Variants in ATP6V1C1 observed in about 807,000 individuals in gnomAD.
ATP6V1C1 encodes V-type proton ATPase subunit C 1.
ATP6V1C1 carries 45 observed loss-of-function variants against 53.9 expected under a neutral mutation model. The observed-to-expected ratio is 0.83, with a 90% CI of 0.66 to 1.07. ATP6V1C1 has a LOEUF of 1.07. ATP6V1C1 is among the 50% of genes least tolerant of loss of function. ATP6V1C1 has a pLI of 0.00. For synonymous variants in ATP6V1C1, 153 were observed against 155.2 expected, an observed-to-expected ratio of 0.99 and a Z score of 0.11; for missense variants, 315 against 440.3, an observed-to-expected ratio of 0.72 and a Z score of 2.55.
intron 3 of ATP6V1C1, among the ~76,000 whole-genome samples, chr8:103,047,430 G>GCGCACACACACACACACA (rs1491170438): frequency 1.1e-4 from 12 of 104,950 alleles, no homozygotes; most frequent in African/African-American, 3.5e-4. Flanking sequence ...AAATGCGCGC[G>GCGCACACACACACACACA]CACACACACA....
Position 103,053,911 on chromosome 8 carries a change from A to G in ATP6V1C1, c.501A>G (p.Ala167=). ...NAGSLLTRSL[A]EIVKKDDFVL... ...GAAGTTTGCTAACTAGAAGTCTAGCAGAAATTGTGAAGAAGGATGACTTTG... is the reference window on the plus strand; with the variant it reads ...GAAGTTTGCTAACTAGAAGTCTAGCGGAAATTGTGAAGAAGGATGACTTTG... Residue 167 remains alanine, a synonymous_variant, in exon 7 of 13, where the codon GCA becomes GCG. Transcript: ENST00000518738. 3 of 1,611,868 alleles carry G rather than the reference A, an allele frequency of 1.9e-6. No individual in the cohort carries two copies. Among genetic ancestry groups the G allele is most frequent in the Non-Finnish European group, 2.5e-6 (3 of 1,178,658 alleles).
intron 8 of ATP6V1C1, 68 bp downstream of exon 8, chr8:103,056,004 G>A: frequency 2.0e-6 from 3 of 1,463,826 alleles, no homozygotes; most frequent in South Asian, 1.2e-5. Context: ...TGTTGGCTTA[G>A]GAAATATGTT....
chr8:103,051,332 A>T (rs1817196075), intron 5 of ATP6V1C1, among the ~76,000 whole-genome samples, 188 bp downstream of exon 5: 1 of 152,034 alleles, frequency 6.6e-6, no homozygotes, highest in African/African-American at 2.4e-5. Flanking sequence ...AGATTATCTA[A>T]GTTGAATACT....
At chr8:103,062,057 G>A (rs950578762) in intron 8 of ATP6V1C1, among the ~76,000 whole-genome samples, 8 of 151,648 alleles carry the variant, frequency 5.3e-5, no homozygotes, top group Middle Eastern at 3.2e-3. Context: ...GTGACTGAAT[G>A]GAAGTTCTGA....
At chr8:103,045,737 C>T (rs3116470) in intron 3 of ATP6V1C1, among the ~76,000 whole-genome samples, 119,551 of 151,194 alleles carry the variant, frequency 0.79, 47,342 homozygotes, top group Admixed American at 0.82. Flanking sequence ...GTCAGGAGAT[C>T]GAGACCATCC....
rs756202940 is a variant in ATP6V1C1, at chr8:103,055,942, T to C, written c.641+6T>C. On this transcript the variant is annotated splice_donor_region_variant and intron_variant, in intron 8 of 12. Transcript: ENST00000518738. ...GTAGTTCCAAGGTCTAGCAAGTAAG[T>C]AGAAGTCTTTGTAAAACCATTTGTT... 9.9e-6 allele frequency: 16 copies of C among 1,609,946 alleles called. No individual in the cohort carries two copies. The highest frequency in any genetic ancestry group is 1.3e-5 in the African/African-American group (1 of 74,800).
intron 8 of ATP6V1C1, among the ~76,000 whole-genome samples, chr8:103,059,935 C>T (rs1362006333): frequency 1.3e-5 from 2 of 151,328 alleles, no homozygotes; most frequent in Non-Finnish European, 2.9e-5. Flanking sequence ...ACCCTATGTC[C>T]CAGCCATATA....
chr8:103,041,904 C>T (rs893546202), intron 2 of ATP6V1C1, among the ~76,000 whole-genome samples: 1 of 151,958 alleles, frequency 6.6e-6, no homozygotes, highest in South Asian at 2.1e-4. Context: ...ATAAAATGAC[C>T]GATTTTTAAT....
rs942187779 is a variant in ATP6V1C1 at position 103,069,772 on chromosome 8, C to G, written c.*1025C>G. On this transcript the variant is annotated 3_prime_UTR_variant, in exon 13 of 13. Transcript: ENST00000518738. ...GTGGCAATGTTTCTCTTACTACGTA[C>G]TCACAGGTTTGCAAATGGGAAAAAA... 1.3e-5 allele frequency: 2 copies of G among 152,144 alleles called. No individual in the cohort carries two copies. The highest frequency in any genetic ancestry group is 2.4e-5 in the African/African-American group (1 of 41,424). 9.4% of individuals were successfully genotyped at this position (152,144 alleles called of 1,614,324 possible). A position where few individuals can be genotyped will look rare whatever the true frequency, so the allele number is the denominator to read the frequency against.
intron 8 of ATP6V1C1, among the ~76,000 whole-genome samples, chr8:103,058,102 C>T (rs558932933): frequency 1.3e-5 from 2 of 152,252 alleles, no homozygotes; most frequent in South Asian, 2.1e-4. Flanking sequence ...ATTAAGTAAG[C>T]TCAGATTTAC....
chr8:103,029,973 A>T (rs1816767898), intron 1 of ATP6V1C1, among the ~76,000 whole-genome samples: 1 of 152,140 alleles, frequency 6.6e-6, no homozygotes, highest in African/African-American at 2.4e-5. Context: ...AGCTCAAGTG[A>T]TCCACCTGTC....
intron 10 of ATP6V1C1, among the ~76,000 whole-genome samples, chr8:103,063,601 C>G (rs1464620020): frequency 6.6e-6 from 1 of 152,082 alleles, no homozygotes. Flanking sequence ...AGTTAAGTAA[C>G]GAAGTTCTTT....
At chr8:103,035,068 G>T (rs1477514698) in intron 1 of ATP6V1C1, among the ~76,000 whole-genome samples, 1 of 152,150 alleles carries the variant, frequency 6.6e-6, no homozygotes, top group Non-Finnish European at 1.5e-5. Context: ...CTTTGACGAG[G>T]GGTAGAAGAA....
chr8:103,045,434 G>A (rs1365387192), intron 3 of ATP6V1C1, among the ~76,000 whole-genome samples: 1 of 152,188 alleles, frequency 6.6e-6, no homozygotes, highest in African/African-American at 2.4e-5. Context: ...TTAAGAGATA[G>A]TAAAAGCTCA....
In ATP6V1C1 at chr8:103,070,551, C is replaced by T. The variant is rs771285671; in HGVS notation, c.*1804C>T. ...TTGAGTCTTAGTATCTGTAACGTGG[C>T]GCTACTCTCTCTATCATGGGGGGGC... On this transcript the variant is annotated 3_prime_UTR_variant, in exon 13 of 13. Coordinates refer to ENST00000518738, the MANE Select transcript of ATP6V1C1 (RefSeq NM_001695.5). 6.6e-6 allele frequency: 1 copy of T among 152,072 alleles called. No individual in the cohort carries two copies. The highest frequency in any genetic ancestry group is 1.5e-5 in the Non-Finnish European group (1 of 68,020). 9.4% of individuals were successfully genotyped at this position (152,072 alleles called of 1,614,324 possible).
At chr8:103,025,239 C>T (rs929357353) in intron 1 of ATP6V1C1, among the ~76,000 whole-genome samples, 2 of 152,188 alleles carry the variant, frequency 1.3e-5, no homozygotes, top group Non-Finnish European at 2.9e-5. Flanking sequence ...TTTGAATCAG[C>T]CCATAGTTTA....
chr8:103,022,417 C>A (rs1346083387), intron 1 of ATP6V1C1, among the ~76,000 whole-genome samples: 1 of 152,014 alleles, frequency 6.6e-6, no homozygotes, highest in Non-Finnish European at 1.5e-5. Context: ...CTTATTCATG[C>A]AAATAATGTG....
intron 1 of ATP6V1C1, among the ~76,000 whole-genome samples, chr8:103,024,556 C>T (rs1428877358): frequency 6.6e-6 from 1 of 152,216 alleles, no homozygotes; most frequent in Non-Finnish European, 1.5e-5. Context: ...GTACCTCCTA[C>T]TTAAAATTTT....
intron 10 of ATP6V1C1, 40 bp downstream of exon 10, chr8:103,063,268 G>A (rs1431542126): frequency 7.8e-7 from 1 of 1,285,522 alleles, no homozygotes; most frequent in Non-Finnish European, 1.1e-6. Context: ...GTACTAAGCA[G>A]AAGAAAAAGT....
Sources: allele counts gnomAD v4.1 joint callset (sites outside exome capture counted in the v4.1 genomes callset), GRCh38; gene constraint gnomAD v4.1.1; transcripts MANE v1.5; gene names NCBI Gene and HGNC (gene_info 2026-07-23, HGNC 2026-07-21).